ERICH1: variants seen among roughly 807,000 people sequenced by gnomAD.
The protein encoded by ERICH1 is glutamate rich 1, also known as glutamate-rich protein 1.
Under a neutral mutation model 39.6 loss-of-function variants are expected in ERICH1, and 56 were observed. The ratio of observed to expected loss-of-function variants is 1.41; its 90% confidence interval spans 1.14 to 1.77. ERICH1 has a LOEUF of 1.77. Ranked by LOEUF, ERICH1 falls within the 40% of genes most tolerant of loss-of-function variation. ERICH1 has a pLI of 0.00. For missense variants in ERICH1, 826 were observed against 575.4 expected, an observed-to-expected ratio of 1.44 and a Z score of -4.45; for synonymous variants, 313 against 223.6, an observed-to-expected ratio of 1.40 and a Z score of -3.57.
chr8:686,383 T>A (rs1276618891), intron 3 of ERICH1, among the ~76,000 whole-genome samples: 3 of 152,198 alleles, frequency 2.0e-5, no homozygotes, highest in Admixed American at 6.5e-5. Context: ...AGTAACTATG[T>A]TTTACGAAAA....
intron 2 of ERICH1, among the ~76,000 whole-genome samples, chr8:708,683 T>TTTTTGTTTTTTTTTTTTTTTTG (rs1563319375): frequency 2.4e-5 from 1 of 42,462 alleles, no homozygotes; most frequent in Non-Finnish European, 5.1e-5. Context: ...GATAATGAGT[T>TTTTTGTTTTTTTTTTTTTTTTG]TTTTTTTTTT....
Position 673,864 on chromosome 8 carries a change from C to G in ERICH1, c.488G>C (p.Arg163Thr). 2 of 1,613,644 alleles carry G rather than the reference C, an allele frequency of 1.2e-6. No individual in the cohort carries two copies. The highest frequency in any genetic ancestry group is 1.7e-6 in the Non-Finnish European group (2 of 1,179,960). The change falls in exon 4 of 6, where the codon AGG becomes ACG. Residue 163 changes from arginine to threonine, a missense_variant. Arg to Thr is a moderately conservative substitution (Grantham distance 71). Coordinates refer to ENST00000262109, the MANE Select transcript of ERICH1 (RefSeq NM_207332.3). ...AATTTGCTGTTTCTTTTTCAGTTTC[C>G]TTTTTTTATTTTTGCTTATTGTGGT... ...DGTTISKNKKRKLKKKQQIKR... is the reference protein window; with the variant it reads ...DGTTISKNKKTKLKKKQQIKR...
intron 3 of ERICH1, chr8:627,184 T>C (rs963541207): frequency 2.2e-6 from 1 of 456,284 alleles, no homozygotes; most frequent in Non-Finnish European, 4.4e-6. Flanking sequence ...TAGCCACTGA[T>C]GTGCTGTGTG....
intron 3 of ERICH1, among the ~76,000 whole-genome samples, chr8:643,343 G>A (rs1444452431): frequency 6.6e-6 from 1 of 152,202 alleles, no homozygotes; most frequent in Admixed American, 6.5e-5. Context: ...GTGTGGCACA[G>A]GGGGACCAAC....
intron 3 of ERICH1, among the ~76,000 whole-genome samples, chr8:685,269 G>C (rs1563256978): frequency 6.6e-6 from 1 of 152,244 alleles, no homozygotes; most frequent in Non-Finnish European, 1.5e-5. Context: ...GGCAATAAGA[G>C]AAATACGGCT....
At chr8:713,346 T>C (rs1321672151) in intron 2 of ERICH1, among the ~76,000 whole-genome samples, 1 of 152,202 alleles carries the variant, frequency 6.6e-6, no homozygotes, top group Non-Finnish European at 1.5e-5. Flanking sequence ...CAAAAGTATG[T>C]GCAAAAGCAG....
chr8:653,315 C>G (rs1800210197), intron 3 of ERICH1, among the ~76,000 whole-genome samples: 1 of 152,256 alleles, frequency 6.6e-6, no homozygotes, highest in African/African-American at 2.4e-5. Flanking sequence ...GAACTATAAC[C>G]TACCTTAATA....
chr8:642,805 C>A (rs1799168014), intron 3 of ERICH1, among the ~76,000 whole-genome samples: 1 of 152,104 alleles, frequency 6.6e-6, no homozygotes, highest in Non-Finnish European at 1.5e-5. Flanking sequence ...GTGTGCCGCA[C>A]ACCCAGGATG....
At chr8:643,476 C>T (rs970452681) in intron 3 of ERICH1, among the ~76,000 whole-genome samples, 4 of 152,060 alleles carry the variant, frequency 2.6e-5, no homozygotes, top group Admixed American at 6.5e-5. Context: ...AGGACTGTCA[C>T]GGTGATGGGG....
intron 3 of ERICH1, among the ~76,000 whole-genome samples, chr8:679,540 C>T (rs1162889637): frequency 6.6e-6 from 1 of 152,154 alleles, no homozygotes; most frequent in Non-Finnish European, 1.5e-5. Context: ...GGGCCACGGG[C>T]CCATCTCTCC....
chr8:616,803 G>C (rs1457802634), intron 3 of ERICH1, among the ~76,000 whole-genome samples: 5 of 88,360 alleles, frequency 5.7e-5, no homozygotes, highest in Non-Finnish European at 1.1e-4. Context: ...GGGGAAGAGA[G>C]GGGGGAGGAA....
Position 648,437 on chromosome 8 carries a change from G to A in ERICH1, c.976+20161C>T, listed in dbSNP as rs551498114. On this transcript the variant is annotated intron_variant, in intron 3 of 3. Transcript: ENST00000522706. ...GACCTGTGAGGCTGATGACACAGTC[G>A]TGTCCCAAACTGGACACAAATCACA... Among the ~76,000 whole-genome samples the A allele has an allele frequency of 6.8e-5, 4 of 58,464 alleles. 1 individual carries two copies. The East Asian group carries it at 1.4e-3, about 20-fold the overall frequency. 38.4% of individuals were successfully genotyped at this position (58,464 alleles called of 152,430 possible).
chr8:703,242 G>A (rs983314255), intron 2 of ERICH1, among the ~76,000 whole-genome samples: 1 of 152,164 alleles, frequency 6.6e-6, no homozygotes, highest in Non-Finnish European at 1.5e-5. Context: ...AGATGAAGGT[G>A]CAGGACAGAC....
chr8:731,124 C>T lies in ERICH1; in HGVS notation c.22+16G>A, dbSNP rs974577306. On this transcript the variant is annotated intron_variant, in intron 1 of 5. Transcript: ENST00000262109. ...GGTCTGGGGTCTGGGCAGGCCTCCGCACCGCACCCACCTACCGTGCTTCCT... is the reference window on the plus strand; with the variant it reads ...GGTCTGGGGTCTGGGCAGGCCTCCGTACCGCACCCACCTACCGTGCTTCCT... 1 of 1,513,104 alleles carries T rather than the reference C, an allele frequency of 6.6e-7. No individual in the cohort carries two copies. Among genetic ancestry groups the T allele is most frequent in the South Asian group, 1.2e-5 (1 of 80,528 alleles). 93.7% of individuals were successfully genotyped at this position (1,513,104 alleles called of 1,614,324 possible).
chr8:663,369 T>A (rs536202762), downstream of ERICH1, among the ~76,000 whole-genome samples: 7 of 152,282 alleles, frequency 4.6e-5, no homozygotes, highest in South Asian at 1.0e-3. Context: ...CCCGTCAGAA[T>A]GGCCCTGATC....
intron 3 of ERICH1, chr8:616,497 C>A (rs2116991009): frequency 8.8e-6 from 4 of 455,940 alleles, no homozygotes; most frequent in South Asian, 6.2e-5. Flanking sequence ...GGCCAGAGCA[C>A]TGCTCCCAGG....
At chr8:698,766 C>A (rs540853383) in intron 2 of ERICH1, among the ~76,000 whole-genome samples, 1 of 152,172 alleles carries the variant, frequency 6.6e-6, no homozygotes, top group East Asian at 1.9e-4. Flanking sequence ...GCGTGAGTCA[C>A]TGTGTTTGGC....
chr8:638,328 C>T (rs978631217), intron 3 of ERICH1, among the ~76,000 whole-genome samples: 4 of 152,224 alleles, frequency 2.6e-5, no homozygotes, highest in Non-Finnish European at 5.9e-5. Context: ...CAGACAGCCA[C>T]GCTTGGGCAC....
intron 4 of ERICH1, among the ~76,000 whole-genome samples, chr8:671,231 A>C (rs1296894785): frequency 2.1e-5 from 3 of 139,718 alleles, no homozygotes; most frequent in African/African-American, 8.2e-5. Context: ...ACTGGTCCCC[A>C]GGCTCTGACC....
Sources: allele counts gnomAD v4.1 joint callset (sites outside exome capture counted in the v4.1 genomes callset), GRCh38; gene constraint gnomAD v4.1.1; transcripts MANE v1.5; gene names NCBI Gene and HGNC (gene_info 2026-07-23, HGNC 2026-07-21).